Variants in GRK5 observed in about 807,000 individuals in gnomAD.
The protein encoded by GRK5 is g protein-coupled receptor kinase GRK5.
In GRK5, 40 loss-of-function variants were observed where a neutral mutation model predicts 78.4. The observed-to-expected ratio is 0.51, with a 90% CI of 0.40 to 0.66. The LOEUF is 0.66. Ranked by LOEUF, GRK5 falls within the 30% of genes least tolerant of loss-of-function variation. The pLI, the probability that GRK5 is intolerant of heterozygous loss-of-function variation, is 0.00. For synonymous variants in GRK5, 289 were observed against 296.8 expected (o/e 0.97, Z 0.27); for missense variants, 598 against 759.9 (o/e 0.79, Z 2.50).
chr10:119,394,181 G>GGCACGTGTGTGTGGGTGTGAGTATCCGT (rs1851944153), intron 3 of GRK5, among the ~76,000 whole-genome samples: 4 of 33,358 alleles, frequency 1.2e-4, no homozygotes, highest in Non-Finnish European at 1.9e-4. Context: ...TGTGTGTGTG[G>GGCACGTGTGTGTGGGTGTGAGTATCCGT]GTGTCTGTGT....
intron 4 of GRK5, among the ~76,000 whole-genome samples, chr10:119,405,534 C>T (rs759108940): frequency 2.6e-5 from 4 of 152,098 alleles, no homozygotes; most frequent in Admixed American, 6.5e-5. Flanking sequence ...GAAATAATAA[C>T]GACTCCAAAT....
At chr10:119,366,950 C>T (rs1021898526) in intron 2 of GRK5, among the ~76,000 whole-genome samples, 1 of 152,228 alleles carries the variant, frequency 6.6e-6, no homozygotes, top group Non-Finnish European at 1.5e-5. Context: ...TTCTCAGTGT[C>T]TCGATTTTAG....
intron 1 of GRK5, among the ~76,000 whole-genome samples, chr10:119,313,082 G>GATGGTAGTGGTAATGGCA (rs1850407132): frequency 2.0e-5 from 3 of 150,438 alleles, no homozygotes; most frequent in Admixed American, 6.6e-5. Context: ...TGGTGGTGGT[G>GATGGTAGTGGTAATGGCA]GTGGTGATGG....
At chr10:119,303,196 CTAGTTGGACGAGATCATGT>C in intron 1 of GRK5, among the ~76,000 whole-genome samples, 1 of 152,266 alleles carries the variant, frequency 6.6e-6, no homozygotes, top group Non-Finnish European at 1.5e-5. Context: ...GAGTAAAACG[CTAGTTGGACGAGATCATGT>C]TATATCTGTA....
At chr10:119,454,613 C>G (rs926981698) in intron 15 of GRK5, among the ~76,000 whole-genome samples, 1 of 152,198 alleles carries the variant, frequency 6.6e-6, no homozygotes, top group African/African-American at 2.4e-5. Context: ...GCTCTTCTCC[C>G]GTGTTACAGG....
chr10:119,402,286 T>A (rs4623810), intron 4 of GRK5, among the ~76,000 whole-genome samples: 4 of 151,930 alleles, frequency 2.6e-5, no homozygotes, highest in African/African-American at 4.8e-5. Flanking sequence ...TGAGCGTGGC[T>A]TGTCTTAGGG....
intron 2 of GRK5, among the ~76,000 whole-genome samples, chr10:119,363,609 A>C (rs991611243): frequency 3.9e-5 from 6 of 152,172 alleles, no homozygotes; most frequent in African/African-American, 1.4e-4. Context: ...CCCAGTTCCC[A>C]GTCTTTTTCT....
At chr10:119,290,878 G>T (rs956702514) in intron 1 of GRK5, among the ~76,000 whole-genome samples, 2 of 152,056 alleles carry the variant, frequency 1.3e-5, no homozygotes, top group Non-Finnish European at 2.9e-5. Context: ...CTCTAAGGAG[G>T]GGCTGCTTTC....
chr10:119,420,345 CAAACAAACAA>C (rs1158252296), intron 4 of GRK5, among the ~76,000 whole-genome samples: 3 of 71,170 alleles, frequency 4.2e-5, no homozygotes, highest in Non-Finnish European at 1.1e-4. Context: ...CTAAAACAAA[CAAACAAACAA>C]AAAAAAAAAA....
chr10:119,385,110 G>A (rs1310503526), intron 3 of GRK5, among the ~76,000 whole-genome samples: 1 of 152,052 alleles, frequency 6.6e-6, no homozygotes, highest in East Asian at 1.9e-4. Context: ...GTCCGCAGTT[G>A]GAGGGGAGGG....
At chr10:119,435,931 C>G (rs547365593) in intron 8 of GRK5, among the ~76,000 whole-genome samples, 4 of 152,312 alleles carry the variant, frequency 2.6e-5, no homozygotes, top group African/African-American at 9.6e-5. Flanking sequence ...GTGAAAGGCA[C>G]TTCTTACATG....
intron 3 of GRK5, among the ~76,000 whole-genome samples, chr10:119,395,187 G>T (rs1180914978): frequency 2.0e-5 from 3 of 152,210 alleles, no homozygotes; most frequent in Non-Finnish European, 2.9e-5. Context: ...CAGAACCACT[G>T]CCCTATCTCC....
At chr10:119,310,139 A>G (rs1850335234) in intron 1 of GRK5, among the ~76,000 whole-genome samples, 1 of 152,208 alleles carries the variant, frequency 6.6e-6, no homozygotes, top group Admixed American at 6.5e-5. Flanking sequence ...GCATTTGTTT[A>G]GCTTCTTTGA....
At chr10:119,306,983 G>A (rs979297042) in intron 1 of GRK5, among the ~76,000 whole-genome samples, 9 of 152,108 alleles carry the variant, frequency 5.9e-5, no homozygotes, top group South Asian at 2.1e-4. Context: ...GTCTCCAGCC[G>A]TCAGTGAGGA....
intron 2 of GRK5, among the ~76,000 whole-genome samples, chr10:119,355,769 C>G (rs1409861045): frequency 6.9e-6 from 1 of 145,912 alleles, no homozygotes; most frequent in Admixed American, 7.0e-5. Flanking sequence ...GGTGACAGAG[C>G]AAGACTCTAT....
At chr10:119,411,963 G>A (rs938768311) in intron 4 of GRK5, among the ~76,000 whole-genome samples, 4 of 148,782 alleles carry the variant, frequency 2.7e-5, no homozygotes, top group Non-Finnish European at 4.4e-5. Flanking sequence ...CAATCCTCTC[G>A]CCTCAGCCTC....
chr10:119,381,380 C>T (rs1851707524), intron 3 of GRK5, among the ~76,000 whole-genome samples: 1 of 152,244 alleles, frequency 6.6e-6, no homozygotes, highest in Non-Finnish European at 1.5e-5. Flanking sequence ...GGACCCTGGG[C>T]TTCCTGTTCA....
intron 1 of GRK5, among the ~76,000 whole-genome samples, chr10:119,212,322 C>T (rs1848500955): frequency 6.6e-6 from 1 of 152,252 alleles, no homozygotes; most frequent in Non-Finnish European, 1.5e-5. Context: ...CCACAAGGCT[C>T]TCATCTTTCA....
intron 1 of GRK5, among the ~76,000 whole-genome samples, chr10:119,287,828 C>T (rs1388947993): frequency 6.6e-6 from 1 of 152,216 alleles, no homozygotes; most frequent in Non-Finnish European, 1.5e-5. Context: ...CAGTCATCTC[C>T]CCCATACCAT....
Sources: gnomAD v4.1 joint callset for allele counts (sites outside exome capture counted in the v4.1 genomes callset) on GRCh38, gnomAD v4.1.1 for gene constraint, MANE v1.5 for transcripts, NCBI Gene and HGNC (gene_info 2026-07-23, HGNC 2026-07-21) for gene names.